ZMIZ1: variants seen among roughly 807,000 people sequenced by gnomAD.
The protein encoded by ZMIZ1 is zinc finger MIZ-type containing 1, also known as zinc finger MIZ domain-containing protein 1.
A neutral mutation model predicts 113.9 loss-of-function variants in ZMIZ1; 17 were observed. The ratio of observed to expected loss-of-function variants is 0.15; its 90% CI spans 0.10 to 0.22. The LOEUF (loss-of-function observed/expected upper bound fraction) is 0.22, where lower values mean the gene tolerates loss of function less well. ZMIZ1 is among the 10% of genes least tolerant of loss of function. ZMIZ1 has a pLI of 1.00. For synonymous variants in ZMIZ1, 607 were observed against 603.1 expected (o/e 1.01, Z -0.09); for missense variants, 1,059 against 1,477.8 (o/e 0.72, Z 4.65).
intron 8 of ZMIZ1, among the ~76,000 whole-genome samples, chr10:79,288,675 G>A (rs1010554232): frequency 6.6e-6 from 1 of 152,210 alleles, no homozygotes; most frequent in African/African-American, 2.4e-5. Flanking sequence ...GCCGGCTCTG[G>A]TGGGAGAGGC....
chr10:79,201,606 C>T lies in ZMIZ1; in HGVS notation c.-27C>T, dbSNP rs769266544. On this transcript the variant is annotated 5_prime_UTR_variant, in exon 5 of 25. Transcript: ENST00000334512. ...CAGGCTGGACAACGTTCATGGCTCT[C>T]GGGTAGAACCTAGTGAAACGGCCAG... 1.1e-5 allele frequency: 18 copies of T among 1,612,504 alleles called. No homozygotes were observed. The highest frequency in any genetic ancestry group is 7.7e-5 in the South Asian group (7 of 90,860).
At chr10:79,266,350 C>T (rs908932377) in intron 7 of ZMIZ1, among the ~76,000 whole-genome samples, 22 of 152,274 alleles carry the variant, frequency 1.4e-4, no homozygotes, top group African/African-American at 4.6e-4. Context: ...GGGCCGTTGT[C>T]CTGTGGAGTG....
rs1564632722 is a variant in ZMIZ1, at chr10:79,069,970, C to CCCGGCCAGGAGGT, written c.-337+712_-337+713insTCCGGCCAGGAGG. Among the ~76,000 whole-genome samples, 4 of 151,360 alleles carry CCCGGCCAGGAGGT rather than the reference C, an allele frequency of 2.6e-5. No homozygotes were observed. The highest frequency in any genetic ancestry group is 5.9e-5 in the Non-Finnish European group (4 of 67,754). ...CAGGCCAGTGCCTGGACGGGGCTGC[C>CCCGGCCAGGAGGT]CCGGCCAGGAGGGGAGCCCAGGGGG... is the stretch of plus-strand genomic sequence containing the variant. On this transcript the variant is annotated intron_variant, in intron 1 of 24. Transcript: ENST00000334512. The surrounding 1 kb of genome is among the most constrained non-coding windows in gnomAD (Gnocchi z 4.6).
chr10:79,291,241 G>A, intron 10 of ZMIZ1, 65 bp downstream of exon 10: 1 of 1,482,238 alleles, frequency 6.7e-7, no homozygotes, highest in Non-Finnish European at 9.0e-7. Context: ...CCAGTGGGGA[G>A]GGACCCACTT....
intron 10 of ZMIZ1, among the ~76,000 whole-genome samples, 182 bp downstream of exon 10, chr10:79,291,358 G>A (rs774337414): frequency 2.0e-5 from 3 of 152,262 alleles, no homozygotes; most frequent in Non-Finnish European, 2.9e-5. Context: ...CAGATAAGGC[G>A]CTGCAGCAGT....
chr10:79,107,403 C>A (rs1477063479), intron 1 of ZMIZ1, among the ~76,000 whole-genome samples: 1 of 152,148 alleles, frequency 6.6e-6, no homozygotes, highest in Non-Finnish European at 1.5e-5. Context: ...AGACACCACA[C>A]GGGGCTCTTG....
intron 3 of ZMIZ1, among the ~76,000 whole-genome samples, chr10:79,158,877 G>A (rs1846000384): frequency 6.6e-6 from 1 of 152,198 alleles, no homozygotes; most frequent in Non-Finnish European, 1.5e-5. Flanking sequence ...CCTTCTCAGT[G>A]TCATGTTCTG....
chr10:79,144,645 A>T (rs529573099), intron 3 of ZMIZ1, among the ~76,000 whole-genome samples: 4 of 152,352 alleles, frequency 2.6e-5, no homozygotes, highest in African/African-American at 9.6e-5. Flanking sequence ...GTTCCTCATC[A>T]GAAGGCTCCA....
chr10:79,175,630 GGAGGTT>G (rs747502760), intron 4 of ZMIZ1, among the ~76,000 whole-genome samples: 7,717 of 96,270 alleles, frequency 0.08, 369 homozygotes, highest in East Asian at 0.27. Context: ...GTGTGTGTGT[GGAGGTT>G]TTTACAGACC....
At chr10:79,298,681 A>G (rs1285568810) in intron 15 of ZMIZ1, 101 bp downstream of exon 15, 1 of 1,144,050 alleles carries the variant, frequency 8.7e-7, no homozygotes, top group Non-Finnish European at 1.2e-6. Context: ...TGGGCATCAG[A>G]AGGGGCAGAG....
Position 79,208,844 on chromosome 10 carries a change from C to T in ZMIZ1, c.174+395C>T, listed in dbSNP as rs77673206. 4.1e-3 allele frequency among the ~76,000 whole-genome samples: 617 copies of T among 152,314 alleles called. 7 individuals are homozygous for T. Among genetic ancestry groups the T allele is most frequent in the African/African-American group, 0.014 (597 of 41,572 alleles). On this transcript the variant is annotated intron_variant, in intron 6 of 24. Transcript: ENST00000334512. ...TGGAGCTTCTTTTGTCATCATCCATCCATTCAGGTAAGCATTGATTGAGCC... is the reference window on the plus strand; with the variant it reads ...TGGAGCTTCTTTTGTCATCATCCATTCATTCAGGTAAGCATTGATTGAGCC...
chr10:79,094,388 T>C (rs1589263658), intron 1 of ZMIZ1, among the ~76,000 whole-genome samples: 1 of 152,188 alleles, frequency 6.6e-6, no homozygotes, highest in Non-Finnish European at 1.5e-5. Context: ...GGTCATTGCA[T>C]AGAGGCTGCC....
chr10:79,102,317 T>G (rs1843394755), intron 1 of ZMIZ1, among the ~76,000 whole-genome samples: 1 of 152,226 alleles, frequency 6.6e-6, no homozygotes. Flanking sequence ...ATTTTTAGCC[T>G]TCAGAGGGCT....
At chr10:79,086,704 G>A (rs1441791974) in intron 1 of ZMIZ1, among the ~76,000 whole-genome samples, 1 of 151,990 alleles carries the variant, frequency 6.6e-6, no homozygotes, top group Non-Finnish European at 1.5e-5. Context: ...TAAAGACGAG[G>A]TCTTGCTTTG....
chr10:79,239,431 C>T (rs754307550), intron 7 of ZMIZ1, among the ~76,000 whole-genome samples: 9 of 152,350 alleles, frequency 5.9e-5, no homozygotes, highest in Non-Finnish European at 8.8e-5. Flanking sequence ...CACGTGGACA[C>T]GTGGCTGGGG....
intron 3 of ZMIZ1, among the ~76,000 whole-genome samples, chr10:79,158,297 C>A (rs985840041): frequency 6.6e-6 from 1 of 152,178 alleles, no homozygotes; most frequent in Non-Finnish European, 1.5e-5. Flanking sequence ...GGTGTAACCC[C>A]TGCCCAGCAC....
chr10:79,289,251 G>C (rs932736389), intron 8 of ZMIZ1, among the ~76,000 whole-genome samples: 2 of 152,172 alleles, frequency 1.3e-5, no homozygotes, highest in African/African-American at 4.8e-5. Flanking sequence ...AAGGGTGCCG[G>C]AAGAAAGCCT....
At chr10:79,253,841 TG>T (rs368710970) in intron 7 of ZMIZ1, among the ~76,000 whole-genome samples, 4 of 152,236 alleles carry the variant, frequency 2.6e-5, no homozygotes, top group African/African-American at 9.6e-5. Context: ...TGTGGATGCA[TG>T]GGCCTGCACA....
intron 3 of ZMIZ1, among the ~76,000 whole-genome samples, chr10:79,157,501 CTTG>C (rs1389120906): frequency 6.6e-6 from 1 of 152,060 alleles, no homozygotes; most frequent in African/African-American, 2.4e-5. Flanking sequence ...ACCCTCTCCC[CTTG>C]TTGTCCATGG....
Sources: allele counts gnomAD v4.1 joint callset (sites outside exome capture counted in the v4.1 genomes callset), GRCh38; gene constraint gnomAD v4.1.1; non-coding constraint Gnocchi (gnomAD v3.1); transcripts MANE v1.5; gene names NCBI Gene and HGNC (gene_info 2026-07-23, HGNC 2026-07-21).